NEBL: variants seen among roughly 807,000 people sequenced by gnomAD.
NEBL encodes LIM and SH3 protein 2.
Under a neutral mutation model 140.2 loss-of-function variants are expected in NEBL, and 122 were observed. The observed-to-expected ratio is 0.87, with a 90% CI of 0.75 to 1.01. The LOEUF (loss-of-function observed/expected upper bound fraction) is 1.01, where lower values mean the gene tolerates loss of function less well. Ranked by LOEUF, NEBL falls within the 50% of genes least tolerant of loss-of-function variation. The pLI, the probability that NEBL is intolerant of heterozygous loss-of-function variation, is 0.00. For synonymous variants in NEBL, 436 were observed against 398.9 expected (o/e 1.09, Z -1.11); for missense variants, 1,365 against 1,231.3 (o/e 1.11, Z -1.62).
intron 2 of NEBL, among the ~76,000 whole-genome samples, chr10:21,074,638 C>T (rs1292047134): frequency 1.3e-5 from 2 of 151,780 alleles, no homozygotes; most frequent in East Asian, 1.9e-4. Flanking sequence ...CCACCAAGCT[C>T]GGCTAATTTT....
At chr10:21,116,334 T>C (rs1838283596) in intron 2 of NEBL, among the ~76,000 whole-genome samples, 1 of 152,140 alleles carries the variant, frequency 6.6e-6, no homozygotes, top group South Asian at 2.1e-4. Flanking sequence ...TCCTTCTCAC[T>C]GTGTTCTCAC....
At chr10:21,259,070 T>A (rs967447711) in intron 1 of NEBL, among the ~76,000 whole-genome samples, 2 of 141,286 alleles carry the variant, frequency 1.4e-5, no homozygotes, top group Non-Finnish European at 3.0e-5. Context: ...AGACGCACAG[T>A]CTTTTTTTTT....
intron 2 of NEBL, among the ~76,000 whole-genome samples, chr10:21,066,348 G>A (rs950183309): frequency 6.6e-6 from 1 of 152,142 alleles, no homozygotes; most frequent in African/African-American, 2.4e-5. Flanking sequence ...CTAAATAACT[G>A]AATAAAATTC....
chr10:20,942,189 T>C (rs982714072), intron 4 of NEBL, among the ~76,000 whole-genome samples: 5 of 152,150 alleles, frequency 3.3e-5, no homozygotes, highest in African/African-American at 9.7e-5. Flanking sequence ...CTTCAAACTA[T>C]ACTAAAAGGC....
intron 2 of NEBL, among the ~76,000 whole-genome samples, chr10:21,111,803 A>G (rs1200375202): frequency 6.6e-6 from 1 of 151,628 alleles, no homozygotes; most frequent in East Asian, 1.9e-4. Context: ...TGAACAGGCA[A>G]CCTACAGAAT....
chr10:21,153,857 TAAG>T (rs1222641324), intron 2 of NEBL, among the ~76,000 whole-genome samples: 1 of 152,186 alleles, frequency 6.6e-6, no homozygotes, highest in African/African-American at 2.4e-5. Context: ...GAAATAAACG[TAAG>T]TCTTTACATC....
upstream of NEBL, among the ~76,000 whole-genome samples, chr10:20,901,685 T>A (rs144048184): frequency 6.6e-4 from 100 of 152,318 alleles, no homozygotes; most frequent in African/African-American, 2.3e-3. Flanking sequence ...GAAAGAAGAA[T>A]TTGTTTGCCT....
At chr10:20,933,549 C>T (rs1429898721) in intron 4 of NEBL, among the ~76,000 whole-genome samples, 1 of 152,098 alleles carries the variant, frequency 6.6e-6, no homozygotes, top group African/African-American at 2.4e-5. Context: ...GCCTGGCCAA[C>T]ATGGCTAAAC....
intron 3 of NEBL, among the ~76,000 whole-genome samples, chr10:20,979,470 T>C (rs968595687): frequency 1.3e-5 from 2 of 152,190 alleles, no homozygotes; most frequent in Non-Finnish European, 2.9e-5. Context: ...TTTTATTTCT[T>C]ACATGTAATG....
At chr10:21,166,811 T>C (rs979853850) in intron 2 of NEBL, among the ~76,000 whole-genome samples, 1 of 152,190 alleles carries the variant, frequency 6.6e-6, no homozygotes, top group African/African-American at 2.4e-5. Flanking sequence ...CATTGTTTTG[T>C]AATCAAAGCT....
chr10:20,914,810 T>G (rs1325607147), intron 4 of NEBL, among the ~76,000 whole-genome samples: 1 of 152,100 alleles, frequency 6.6e-6, no homozygotes, highest in African/African-American at 2.4e-5. Context: ...TTACTATACA[T>G]TGAGGGTAAT....
intron 3 of NEBL, among the ~76,000 whole-genome samples, chr10:21,204,023 C>G (rs1388194491): frequency 1.3e-5 from 2 of 152,108 alleles, no homozygotes; most frequent in Non-Finnish European, 2.9e-5. Flanking sequence ...GAGGCAGACC[C>G]GGAAATCAGG....
At chr10:21,220,778 A>G (rs182511956) in intron 3 of NEBL, among the ~76,000 whole-genome samples, 3 of 152,386 alleles carry the variant, frequency 2.0e-5, no homozygotes, top group Admixed American at 2.0e-4. Context: ...TTCAAGATAT[A>G]TAAGGAACTC....
chr10:20,915,488 G>A (rs908227064), intron 4 of NEBL, among the ~76,000 whole-genome samples: 3 of 148,274 alleles, frequency 2.0e-5, no homozygotes, highest in African/African-American at 5.0e-5. Flanking sequence ...TCCCACCTAT[G>A]AGTGAGAATA....
Position 20,817,674 on chromosome 10 carries a change from G to T in NEBL, c.2074C>A (p.Leu692Ile). 2 of 1,613,196 alleles carry T rather than the reference G, an allele frequency of 1.2e-6. No individual in the cohort carries two copies. The highest frequency in any genetic ancestry group is 1.3e-5 in the African/African-American group (1 of 74,990). Reference protein sequence around the residue: ...QLSAVKYKGELQRGTAISDPP... With the variant: ...QLSAVKYKGEIQRGTAISDPP... ...TCAGAAATTGCAGTTCCCCGTTGAAGTTCTCCCTTATATTTTACCTAAGAA... is the reference window on the plus strand; with the variant it reads ...TCAGAAATTGCAGTTCCCCGTTGAATTTCTCCCTTATATTTTACCTAAGAA... Residue 692 changes from leucine (L) to isoleucine (I), a missense_variant, in exon 21 of 28, where the codon CTT becomes ATT. This residue lies in a region of NEBL where 1,323 missense variants were observed against 1,154.8 expected (regional missense o/e 1.15). Coordinates refer to ENST00000377122, the MANE Select transcript of NEBL (RefSeq NM_006393.3).
chr10:21,175,128 G>C (rs1841269325), upstream of NEBL: 1 of 152,196 alleles, frequency 6.6e-6, no homozygotes, highest in Non-Finnish European at 1.5e-5. Flanking sequence ...TCAGGTTATT[G>C]GACTCACTTG....
intron 3 of NEBL, among the ~76,000 whole-genome samples, chr10:21,182,132 C>T (rs1485483380): frequency 6.7e-6 from 1 of 150,218 alleles, no homozygotes; most frequent in African/African-American, 2.4e-5. Flanking sequence ...AAAATTTAAC[C>T]ACGGACAGGA....
chr10:20,970,721 A>G (rs1271139776), intron 3 of NEBL, among the ~76,000 whole-genome samples: 1 of 152,214 alleles, frequency 6.6e-6, no homozygotes, highest in East Asian at 1.9e-4. Flanking sequence ...TCATCTTCAG[A>G]TAAATCTTAG....
chr10:21,091,216 T>A (rs1015579626), intron 2 of NEBL, among the ~76,000 whole-genome samples: 1 of 152,042 alleles, frequency 6.6e-6, no homozygotes, highest in South Asian at 2.1e-4. Flanking sequence ...TAAGAAGACT[T>A]TAAATGTCTA....
Sources: gnomAD v4.1 joint callset for allele counts (sites outside exome capture counted in the v4.1 genomes callset) on GRCh38, gnomAD v4.1.1 for gene constraint, gnomAD v4.1.1 regional missense constraint, MANE v1.5 for transcripts, NCBI Gene and HGNC (gene_info 2026-07-23, HGNC 2026-07-21) for gene names.